Variants in ATG7 observed in about 807,000 individuals in gnomAD.
The protein encoded by ATG7 is ubiquitin-like modifier-activating enzyme ATG7.
In ATG7, 70 loss-of-function variants were observed where a neutral mutation model predicts 82.4. The observed-to-expected ratio is 0.85, with a 90% CI of 0.70 to 1.04. The LOEUF is 1.04. Ranked by LOEUF, ATG7 falls within the 50% of genes least tolerant of loss-of-function variation. The pLI, the probability that ATG7 is intolerant of heterozygous loss-of-function variation, is 0.00. For missense variants in ATG7, 792 were observed against 864.3 expected (o/e 0.92, Z 1.05); for synonymous variants, 287 against 313.0 (o/e 0.92, Z 0.88).
intron 5 of ATG7, among the ~76,000 whole-genome samples, chr3:11,305,849 A>G (rs1575316164): frequency 6.6e-6 from 1 of 152,158 alleles, no homozygotes; most frequent in Admixed American, 6.5e-5. Flanking sequence ...CAGCCCCATA[A>G]ACCCAATTTT....
chr3:11,291,212 G>A (rs1358581770), intron 3 of ATG7, among the ~76,000 whole-genome samples: 1 of 152,206 alleles, frequency 6.6e-6, no homozygotes, highest in Non-Finnish European at 1.5e-5. Context: ...GTCACACAGA[G>A]GATTTTAGAT....
chr3:11,331,249 C>T (rs1951599565), intron 9 of ATG7, 91 bp from the exon 10 acceptor site: 1 of 1,039,538 alleles, frequency 9.6e-7, no homozygotes, highest in Non-Finnish European at 1.5e-6. Context: ...TTGCAGAAAG[C>T]ATAAAAAAGC....
rs760437157 is a variant in ATG7 at position 11,361,286 on chromosome 3, C to CT, written c.1683+518dup. On this transcript the variant is annotated intron_variant, in intron 16 of 20. Transcript: ENST00000693202. ...TTTGAATTTCAGTTAATAATGAATT[C>CT]TTTTTTTTTTTTTTTTGAGACAGAG... Among the ~76,000 whole-genome samples, 880 of 139,032 alleles carry CT rather than the reference C, an allele frequency of 6.3e-3. 2 individuals carry two copies. Among genetic ancestry groups the CT allele is most frequent in the Non-Finnish European group, 7.4e-3 (469 of 63,104 alleles). The allele number at this position is 139,032 out of a possible 152,430, so 91.2% of individuals were successfully genotyped here. A position where few individuals can be genotyped will look rare whatever the true frequency, so the allele number is the denominator to read the frequency against.
At position 11,389,232 on chromosome 3, in the gene ATG7, C is replaced by CAAAAAA. The variant is rs752930553; in HGVS notation, c.1956+9200_1956+9205dup. Reference sequence around the variant, plus strand: ...TGGGGAACAGAGAGAGACCCTGTCTCAAAAAAAAAAAAAAAAAAAAAAAAA... The same window carrying CAAAAAA: ...TGGGGAACAGAGAGAGACCCTGTCTCAAAAAAAAAAAAAAAAAAAAAAAAAAAAAAA... On this transcript the variant is annotated intron_variant, in intron 19 of 20. Coordinates refer to ENST00000693202, the MANE Select transcript of ATG7 (RefSeq NM_001349232.2). 8.4e-4 allele frequency among the ~76,000 whole-genome samples: 48 copies of CAAAAAA among 57,260 alleles called. 1 individual carries two copies. Among genetic ancestry groups the CAAAAAA allele is most frequent in the African/African-American group, 3.5e-3 (45 of 12,702 alleles). 37.6% of individuals were successfully genotyped at this position (57,260 alleles called of 152,430 possible). A position where few individuals can be genotyped will look rare whatever the true frequency, so the allele number is the denominator to read the frequency against.
intron 20 of ATG7, among the ~76,000 whole-genome samples, chr3:11,444,290 C>T (rs551020171): frequency 1.3e-5 from 2 of 152,290 alleles, no homozygotes; most frequent in South Asian, 4.1e-4. Flanking sequence ...TCATGTGCAG[C>T]ATTTCTCTGG....
At chr3:11,294,702 A>G (rs1945570493) in intron 3 of ATG7, among the ~76,000 whole-genome samples, 1 of 152,206 alleles carries the variant, frequency 6.6e-6, no homozygotes, top group Admixed American at 6.5e-5. Flanking sequence ...CTACAGCAGC[A>G]TCACCTGAGG....
chr3:11,452,471 T>C (rs754015), intron 20 of ATG7, among the ~76,000 whole-genome samples: 79,001 of 150,458 alleles, frequency 0.53, 21,391 homozygotes, highest in East Asian at 0.67. Flanking sequence ...TTAAAAGCCA[T>C]TGAACTGTTA....
At chr3:11,551,919 T>C (rs2071835497) in intron 20 of ATG7, among the ~76,000 whole-genome samples, 2 of 151,868 alleles carry the variant, frequency 1.3e-5, no homozygotes, top group South Asian at 2.1e-4. Flanking sequence ...TGGCTAATTT[T>C]TGGATTTTTA....
chr3:11,387,746 G>A (rs541230697), intron 19 of ATG7, among the ~76,000 whole-genome samples: 4 of 152,224 alleles, frequency 2.6e-5, no homozygotes, highest in East Asian at 3.9e-4. Context: ...TGAGGCAGGC[G>A]GATCACGAGG....
intron 20 of ATG7, among the ~76,000 whole-genome samples, chr3:11,438,408 A>G (rs1027072203): frequency 6.6e-6 from 1 of 152,178 alleles, no homozygotes; most frequent in Non-Finnish European, 1.5e-5. Context: ...CAACTGAACT[A>G]TCAAGATTTT....
intron 20 of ATG7, among the ~76,000 whole-genome samples, chr3:11,451,668 G>A (rs574550023): frequency 4.0e-5 from 6 of 151,698 alleles, no homozygotes; most frequent in South Asian, 4.2e-4. Context: ...CTCAGCAAAC[G>A]TTTGTTGTTG....
intron 20 of ATG7, among the ~76,000 whole-genome samples, chr3:11,546,667 T>C (rs2071319897): frequency 6.6e-6 from 1 of 152,224 alleles, no homozygotes; most frequent in Non-Finnish European, 1.5e-5. Flanking sequence ...CTCGTCTGTC[T>C]CCTTTGGAGA....
At chr3:11,425,812 A>G (rs536015597) in intron 19 of ATG7, among the ~76,000 whole-genome samples, 1 of 152,142 alleles carries the variant, frequency 6.6e-6, no homozygotes, top group Non-Finnish European at 1.5e-5. Flanking sequence ...TGCCCCTTAC[A>G]GTCTCTCTGT....
At chr3:11,350,328 G>C (rs2075441777) in intron 14 of ATG7, among the ~76,000 whole-genome samples, 1 of 152,200 alleles carries the variant, frequency 6.6e-6, no homozygotes. Context: ...TTAGATTTCT[G>C]CTGTGACAAT....
At chr3:11,343,297 C>T (rs1312280092) in intron 13 of ATG7, among the ~76,000 whole-genome samples, 4 of 152,160 alleles carry the variant, frequency 2.6e-5, no homozygotes, top group East Asian at 1.9e-4. Context: ...CTTTTTTCCA[C>T]GCTCTTGCCA....
chr3:11,342,310 C>G (rs759251821), intron 13 of ATG7, 31 bp downstream of exon 13: 13 of 1,590,806 alleles, frequency 8.2e-6, no homozygotes, highest in Non-Finnish European at 1.1e-5. Context: ...GCAAATGGCA[C>G]CTTTGAAGTT....
chr3:11,412,646 G>A (rs778768063), intron 19 of ATG7, among the ~76,000 whole-genome samples: 5 of 152,094 alleles, frequency 3.3e-5, no homozygotes, highest in Non-Finnish European at 7.3e-5. Context: ...TCTTCTTCAA[G>A]ATTGTTTTGG....
At chr3:11,290,459 G>A (rs909921840) in intron 3 of ATG7, 2 of 270,144 alleles carry the variant, frequency 7.4e-6, no homozygotes, top group Non-Finnish European at 7.3e-6. Flanking sequence ...TCTTCTCCAC[G>A]TTCTCTTCCA....
chr3:11,420,354 GT>G (rs1208866893), intron 19 of ATG7, among the ~76,000 whole-genome samples: 1 of 151,582 alleles, frequency 6.6e-6, no homozygotes, highest in Non-Finnish European at 1.5e-5. Flanking sequence ...GCCTTTTTTT[GT>G]TTTTTTCATT....
Sources: gnomAD v4.1 joint callset for allele counts (sites outside exome capture counted in the v4.1 genomes callset) on GRCh38, gnomAD v4.1.1 for gene constraint, MANE v1.5 for transcripts, NCBI Gene and HGNC (gene_info 2026-07-23, HGNC 2026-07-21) for gene names.